The following MGRN1 variants were observed in gnomAD, a reference collection of about 807,000 sequenced individuals.
MGRN1 encodes the protein mahogunin ring finger 1, also known as E3 ubiquitin-protein ligase MGRN1.
Under a neutral mutation model 69.2 loss-of-function variants are expected in MGRN1, and 29 were observed. The observed-to-expected ratio is 0.42, with a 90% confidence interval of 0.31 to 0.57. The LOEUF is 0.57. MGRN1 is among the 20% of genes least tolerant of loss of function. The pLI is 0.15. For missense variants in MGRN1, 998 were observed against 796.2 expected, an observed-to-expected ratio of 1.25 and a Z score of -3.05; for synonymous variants, 470 against 344.2, an observed-to-expected ratio of 1.37 and a Z score of -4.04.
At chr16:4,655,720 C>CT (rs1436031918) in intron 4 of MGRN1, among the ~76,000 whole-genome samples, 8 of 152,192 alleles carry the variant, frequency 5.3e-5, no homozygotes, top group Non-Finnish European at 1.0e-4. Context: ...AGAAAAGGAC[C>CT]TGGAGGCTCC....
rs779071434 is a variant in MGRN1, at chr16:4,657,246, A to G, written c.444A>G (p.Val148=). The part of the protein sequence containing the change: ...ASEEFLNGRA[V]YSPKSPSLQS... ...ACTGCTTGCTCCTGGCTCCCTGCAG[A>G]TACAGCCCCAAGAGCCCCTCGCTAC... Residue 148 remains valine (V), a splice_region_variant and synonymous_variant, in exon 5 of 17, where the codon GTA becomes GTG. Coordinates refer to ENST00000262370, the MANE Select transcript of MGRN1 (RefSeq NM_015246.4). The G allele has an allele frequency of 1.9e-6, 3 of 1,613,544 alleles. No individual in the cohort carries two copies. The highest frequency in any genetic ancestry group is 2.2e-5 in the South Asian group (2 of 91,060).
At position 4,655,482 on chromosome 16, in the gene MGRN1, G is replaced by C. The variant is rs563738830; in HGVS notation, c.444-1764G>C. Among the ~76,000 whole-genome samples the C allele has an allele frequency of 4.0e-5, 6 of 151,360 alleles. No individual in the cohort carries two copies. In the South Asian group the frequency reaches 1.3e-3, roughly 32 times the overall value. On this transcript the variant is annotated intron_variant, in intron 4 of 16. Transcript: ENST00000262370. ...GAATCACAGAGCAGGAACAGCTCCA[G>C]TGCCACTGTCCCCCTCTGTCAGGAC...
chr16:4,664,964 C>T (rs2078766543), intron 6 of MGRN1, 138 bp from the exon 7 acceptor site: 1 of 1,183,804 alleles, frequency 8.4e-7, no homozygotes, highest in Non-Finnish European at 1.2e-6. Context: ...GAGGGCAGGT[C>T]CCAGAACAGG....
At chr16:4,686,863 C>G (rs554503230) in intron 16 of MGRN1, 7 of 985,558 alleles carry the variant, frequency 7.1e-6, no homozygotes, top group African/African-American at 3.5e-5. Context: ...GGAAAGAATG[C>G]GCCCCGATTG....
At chr16:4,636,334 C>T (rs1006672159) in intron 1 of MGRN1, among the ~76,000 whole-genome samples, 5 of 151,992 alleles carry the variant, frequency 3.3e-5, no homozygotes, top group African/African-American at 4.8e-5. Context: ...AGGCGCTCTT[C>T]TTGCTCCACC....
chr16:4,675,322 C>G (rs1215679347), intron 10 of MGRN1, among the ~76,000 whole-genome samples: 1 of 152,022 alleles, frequency 6.6e-6, no homozygotes, highest in Non-Finnish European at 1.5e-5. Context: ...TGTTGCCCAG[C>G]CTGGTCTCGA....
In MGRN1 at chr16:4,682,837, C is replaced by T. The variant is rs373213729; in HGVS notation, c.1373C>T (p.Pro458Leu). The change falls in exon 14 of 17, where the codon CCG (proline) becomes CTG (leucine). Residue 458 changes from proline to leucine, a missense_variant. Coordinates refer to ENST00000262370, the MANE Select transcript of MGRN1 (RefSeq NM_015246.4). Reference sequence around the variant, plus strand: ...TCTGTCCCCAGCACCCTACGGTCCCCGTCTTCCCCCATCCACGAAGAGGAT... The same window carrying T: ...TCTGTCCCCAGCACCCTACGGTCCCTGTCTTCCCCCATCCACGAAGAGGAT... ...SKAPDSTLRSPSSPIHEEDEE... is the reference protein window; with the variant it reads ...SKAPDSTLRSLSSPIHEEDEE... The T allele has an allele frequency of 2.3e-5, 36 of 1,593,328 alleles. No individual in the cohort carries two copies. The highest frequency in any genetic ancestry group is 4.5e-5 in the South Asian group (4 of 89,724).
chr16:4,681,428 C>T (rs1449899543), intron 12 of MGRN1, 122 bp from the exon 13 acceptor site: 5 of 947,416 alleles, frequency 5.3e-6, no homozygotes, highest in Non-Finnish European at 6.2e-6. Flanking sequence ...CTTGGCCACC[C>T]TCTGAGGGTG....
At chr16:4,679,767 G>A (rs944895856) in intron 11 of MGRN1, among the ~76,000 whole-genome samples, 2 of 152,196 alleles carry the variant, frequency 1.3e-5, no homozygotes, top group Non-Finnish European at 2.9e-5. Flanking sequence ...CCAGACTGCG[G>A]GGGGACAGGC....
At chr16:4,641,143 G>C (rs2078147480) in intron 1 of MGRN1, among the ~76,000 whole-genome samples, 1 of 152,136 alleles carries the variant, frequency 6.6e-6, no homozygotes. Context: ...TCTTGGTCCT[G>C]AGCTGGTGCA....
chr16:4,647,007 T>C (rs2078288775), intron 1 of MGRN1, among the ~76,000 whole-genome samples: 1 of 152,110 alleles, frequency 6.6e-6, no homozygotes, highest in South Asian at 2.1e-4. Flanking sequence ...ACGTCAGCGC[T>C]GGGGAGAGCC....
intron 2 of MGRN1, among the ~76,000 whole-genome samples, chr16:4,651,666 G>A (rs2078409489): frequency 6.6e-6 from 1 of 152,126 alleles, no homozygotes; most frequent in Non-Finnish European, 1.5e-5. Flanking sequence ...GGCAGTGATG[G>A]ATATGGGAAG....
At chr16:4,679,909 C>T (rs2079140281) in intron 11 of MGRN1, 123 bp from the exon 12 acceptor site, 5 of 927,834 alleles carry the variant, frequency 5.4e-6, no homozygotes, top group African/African-American at 1.7e-5. Flanking sequence ...ATTCACGTCC[C>T]CCGGAAGCTT....
At chr16:4,636,027 C>A (rs1898272170) in intron 1 of MGRN1, among the ~76,000 whole-genome samples, 1 of 151,464 alleles carries the variant, frequency 6.6e-6, no homozygotes, top group Admixed American at 6.6e-5. Context: ...GTCTTGAACT[C>A]TTGACCTCAG....
chr16:4,664,663 G>A (rs754649895), intron 5 of MGRN1, 46 bp from the exon 6 acceptor site: 14 of 1,603,752 alleles, frequency 8.7e-6, no homozygotes, highest in African/African-American at 1.3e-5. Flanking sequence ...AGGCTTCCAG[G>A]CTTGGCTGTG....
chr16:4,659,186 A>C (rs1257775058), intron 5 of MGRN1: 1 of 152,194 alleles, frequency 6.6e-6, no homozygotes. Context: ...ATAAAAATAA[A>C]ATAAAAGTAA....
intron 16 of MGRN1, chr16:4,686,827 C>A (rs570236977): frequency 2.0e-6 from 2 of 986,780 alleles, no homozygotes; most frequent in Non-Finnish European, 2.4e-6. Flanking sequence ...CTCCCGTGTT[C>A]CGGTCGTGGC....
At chr16:4,680,289 A>G (rs774998005) in intron 12 of MGRN1, 192 bp downstream of exon 12, 1 of 580,012 alleles carries the variant, frequency 1.7e-6, no homozygotes, top group Non-Finnish European at 3.0e-6. Context: ...CGTGGGCGAA[A>G]CGCCAGGTGC....
intron 4 of MGRN1, among the ~76,000 whole-genome samples, chr16:4,654,950 G>A (rs1245964149): frequency 1.3e-5 from 2 of 152,188 alleles, no homozygotes; most frequent in Non-Finnish European, 2.9e-5. Context: ...ACCTTGCCCC[G>A]GCACTTGATT....
Sources: gnomAD v4.1 joint callset for allele counts (sites outside exome capture counted in the v4.1 genomes callset) on GRCh38, gnomAD v4.1.1 for gene constraint, MANE v1.5 for transcripts, NCBI Gene and HGNC (gene_info 2026-07-23, HGNC 2026-07-21) for gene names.